The following ATCAY variants were observed in gnomAD, a reference collection of about 807,000 sequenced individuals.
ATCAY encodes ATCAY kinesin light chain interacting caytaxin.
ATCAY carries 22 observed loss-of-function variants against 47.7 expected under a neutral mutation model. That is an observed-to-expected ratio of 0.46 (90% CI 0.33 to 0.66). The LOEUF (loss-of-function observed/expected upper bound fraction) is 0.66, where lower values mean the gene tolerates loss of function less well. ATCAY is among the 30% of genes least tolerant of loss of function. The pLI is 0.02. For synonymous variants in ATCAY, 216 were observed against 207.6 expected (o/e 1.04, Z -0.35); for missense variants, 452 against 515.0 (o/e 0.88, Z 1.18).
chr19:3,909,681 G>C, intron 7 of ATCAY, 64 bp downstream of exon 7: 2 of 1,539,928 alleles, frequency 1.3e-6, no homozygotes, highest in Non-Finnish European at 1.7e-6. Flanking sequence ...GGCTGGACAT[G>C]GTGGCTCACA....
At chr19:3,908,564 C>G (rs1378249324) in intron 6 of ATCAY, among the ~76,000 whole-genome samples, 194 bp downstream of exon 6, 1 of 151,756 alleles carries the variant, frequency 6.6e-6, no homozygotes, top group Non-Finnish European at 1.5e-5. Flanking sequence ...TCTGGGCCAC[C>G]CTGTTCTCCT....
At chr19:3,898,856 A>G (rs561384674) in intron 2 of ATCAY, among the ~76,000 whole-genome samples, 13 of 152,150 alleles carry the variant, frequency 8.5e-5, no homozygotes, top group South Asian at 2.1e-4. Context: ...TAATTTTTGT[A>G]TTTTTAGTAC....
chr19:3,909,004 A>T, intron 6 of ATCAY, among the ~76,000 whole-genome samples: 1 of 11,832 alleles, frequency 8.5e-5, no homozygotes, highest in Non-Finnish European at 1.2e-4. Context: ...AACCTGTCTC[A>T]AAAAAAAAAA....
chr19:3,927,204 G>C lies in ATCAY; in HGVS notation c.*2612G>C, dbSNP rs987688676. On this transcript the variant is annotated 3_prime_UTR_variant, in exon 13 of 13. Transcript: ENST00000450849. Reference sequence around the variant, plus strand: ...CCACTGCACTCCAGCCTGGGAGACAGAGCAAGACTGACTCAAAAGAAAAAA... The same window carrying C: ...CCACTGCACTCCAGCCTGGGAGACACAGCAAGACTGACTCAAAAGAAAAAA... 1.3e-5 allele frequency: 2 copies of C among 152,226 alleles called. No individual in the cohort carries two copies. The highest frequency in any genetic ancestry group is 1.3e-4 in the Admixed American group (2 of 15,260). 9.4% of individuals were successfully genotyped at this position (152,226 alleles called of 1,614,324 possible). A position where few individuals can be genotyped will look rare whatever the true frequency, so the allele number is the denominator to read the frequency against.
chr19:3,900,827 C>T (rs562865894), intron 2 of ATCAY, among the ~76,000 whole-genome samples: 10 of 151,102 alleles, frequency 6.6e-5, no homozygotes, highest in Admixed American at 4.0e-4. Context: ...TGAGCTGCTG[C>T]GCCTGGCCCA....
chr19:3,917,966 C>A (rs1048514797), intron 10 of ATCAY, among the ~76,000 whole-genome samples, 189 bp downstream of exon 10: 3 of 152,144 alleles, frequency 2.0e-5, no homozygotes, highest in Non-Finnish European at 4.4e-5. Context: ...CCGCATTGAG[C>A]TGCAAGGTAA....
intron 10 of ATCAY, 23 bp downstream of exon 10, chr19:3,917,800 T>C (rs750440597): frequency 5.0e-6 from 8 of 1,606,662 alleles, no homozygotes; most frequent in Non-Finnish European, 5.9e-6. Context: ...TGGTTTCTGC[T>C]GGGGCTGGGT....
At chr19:3,891,293 T>G (rs957793194) in intron 2 of ATCAY, among the ~76,000 whole-genome samples, 39 of 151,846 alleles carry the variant, frequency 2.6e-4, no homozygotes, top group African/African-American at 8.7e-4. Context: ...CTCAAGTGAT[T>G]CGCCTGCCTC....
chr19:3,906,501 C>T (rs2038862456), intron 4 of ATCAY, among the ~76,000 whole-genome samples: 1 of 151,790 alleles, frequency 6.6e-6, no homozygotes, highest in South Asian at 2.1e-4. Flanking sequence ...TGGGGTTTTC[C>T]CATGTTGCCC....
Position 3,908,289 on chromosome 19 carries a change from AC to A in ATCAY, c.567del (p.Asn189LysfsTer34). ...THGGYYGEGL[N>X]AIIVFAACFL... ...TCAGGGTACTACGGCGAAGGCCTCA[AC>A]GCCATCATCGTCTTCGCAGCCTGCT... On this transcript the variant is annotated frameshift_variant, in exon 6 of 13. Coordinates refer to ENST00000450849, the MANE Select transcript of ATCAY (RefSeq NM_033064.5). LOFTEE classifies it high-confidence loss of function. 1 of 1,582,240 alleles carries A rather than the reference AC, an allele frequency of 6.3e-7. No homozygotes were observed. The highest frequency in any genetic ancestry group is 8.6e-7 in the Non-Finnish European group (1 of 1,164,084).
chr19:3,884,783 T>C (rs1599273339), intron 1 of ATCAY, among the ~76,000 whole-genome samples: 1 of 152,028 alleles, frequency 6.6e-6, no homozygotes, highest in Non-Finnish European at 1.5e-5. Flanking sequence ...GGGAACCTCA[T>C]GGGGCTCGGT....
At chr19:3,912,352 C>G (rs1027447942) in intron 8 of ATCAY, among the ~76,000 whole-genome samples, 10 of 151,494 alleles carry the variant, frequency 6.6e-5, no homozygotes, top group South Asian at 2.1e-4. Flanking sequence ...CTCACTCTGT[C>G]GCCCAGGCTG....
chr19:3,903,358 AGAG>A (rs2038831297), intron 3 of ATCAY, among the ~76,000 whole-genome samples: 1 of 152,122 alleles, frequency 6.6e-6, no homozygotes, highest in Non-Finnish European at 1.5e-5. Context: ...CTGGGCGGCC[AGAG>A]GAGAGTTTTA....
Position 3,907,744 on chromosome 19 carries a change from C to T in ATCAY, c.369C>T (p.Pro123=), listed in dbSNP as rs192528603. ...GCCACCTGCTTCTAGACGACACCCC[C>T]GTGGCCACCGCCAAGAACATGCCCG... ...GNELEWEDDT[P]VATAKNMPGD... The change falls in exon 5 of 13, where the codon CCC becomes CCT. Residue 123 remains proline (P), a synonymous_variant. Transcript: ENST00000450849. This position sits in a 1 kb window ranked among gnomAD's most constrained non-coding sequence, Gnocchi z 5.1. The T allele has an allele frequency of 2.6e-5, 42 of 1,613,998 alleles. No homozygotes were observed. Among genetic ancestry groups the T allele is most frequent in the East Asian group, 1.6e-4 (7 of 44,884 alleles).
chr19:3,910,713 C>A, intron 7 of ATCAY, 90 bp from the exon 8 acceptor site: 1 of 1,315,710 alleles, frequency 7.6e-7, no homozygotes, highest in Non-Finnish European at 1.1e-6. Context: ...GTGACGAATG[C>A]TTGCTTGTGG....
At chr19:3,883,310 C>T (rs1351723480) in intron 1 of ATCAY, among the ~76,000 whole-genome samples, 1 of 152,038 alleles carries the variant, frequency 6.6e-6, no homozygotes, top group Non-Finnish European at 1.5e-5. Context: ...CCACTGCACT[C>T]TAGCCTGGGC....
intron 8 of ATCAY, 125 bp downstream of exon 8, chr19:3,911,014 T>G (rs4807528): frequency 9.8e-7 from 1 of 1,015,654 alleles, no homozygotes; most frequent in Non-Finnish European, 1.5e-6. Flanking sequence ...TGTGTGTGCA[T>G]CCATGTGTGT....
At position 3,924,955 on chromosome 19, in the gene ATCAY, A is replaced by T. The variant is rs577521523; in HGVS notation, c.*363A>T. ...CTCTGTGGTCAGAGCTGGATACAAG[A>T]TTCAAGACCCTTCTCTTGCTTGTCA... On this transcript the variant is annotated 3_prime_UTR_variant, in exon 13 of 13. Transcript: ENST00000450849. 4 of 217,304 alleles carry T rather than the reference A, an allele frequency of 1.8e-5. No homozygotes were observed. Among genetic ancestry groups the T allele is most frequent in the African/African-American group, 9.1e-5 (4 of 43,720 alleles). 13.5% of individuals were successfully genotyped at this position (217,304 alleles called of 1,614,324 possible). A position where few individuals can be genotyped will look rare whatever the true frequency, so the allele number is the denominator to read the frequency against.
intron 2 of ATCAY, among the ~76,000 whole-genome samples, chr19:3,888,217 T>TG (rs1474506582): frequency 2.0e-5 from 3 of 152,122 alleles, no homozygotes; most frequent in Non-Finnish European, 4.4e-5. Context: ...CCTCTTCCCT[T>TG]TCAGAACCAG....
Sources: allele counts gnomAD v4.1 joint callset (sites outside exome capture counted in the v4.1 genomes callset), GRCh38; gene constraint gnomAD v4.1.1; non-coding constraint Gnocchi (gnomAD v3.1); transcripts MANE v1.5; gene names NCBI Gene and HGNC (gene_info 2026-07-23, HGNC 2026-07-21).